Variants in FAM118A observed in about 807,000 individuals in gnomAD.
The protein encoded by FAM118A is protein FAM118A.
In FAM118A, 25 loss-of-function variants were observed where a neutral mutation model predicts 38.2. The observed-to-expected ratio is 0.65, with a 90% CI of 0.48 to 0.91. The LOEUF (loss-of-function observed/expected upper bound fraction) is 0.91. Among genes scored for constraint, FAM118A ranks in the 40% least tolerant of loss-of-function variants. The pLI is 0.00. For missense variants in FAM118A, 425 were observed against 463.3 expected, an observed-to-expected ratio of 0.92 and a Z score of 0.76; for synonymous variants, 178 against 184.1, an observed-to-expected ratio of 0.97 and a Z score of 0.27.
chr22:45,322,696 A>G (rs1386880540), intron 2 of FAM118A, among the ~76,000 whole-genome samples: 1 of 152,198 alleles, frequency 6.6e-6, no homozygotes, highest in African/African-American at 2.4e-5. Flanking sequence ...CTAAGAAAGA[A>G]TTCTTTGACT....
chr22:45,333,742 C>T (rs1301536322), intron 6 of FAM118A, among the ~76,000 whole-genome samples: 6 of 149,322 alleles, frequency 4.0e-5, no homozygotes, highest in African/African-American at 1.5e-4. Flanking sequence ...TCTGGAGGCT[C>T]AGGTGGGGGG....
intron 5 of FAM118A, among the ~76,000 whole-genome samples, chr22:45,331,295 GC>G (rs1183666981): frequency 6.6e-6 from 1 of 152,160 alleles, no homozygotes; most frequent in African/African-American, 2.4e-5. Context: ...CTGCACTCCA[GC>G]CTGGGCAACA....
intron 3 of FAM118A, among the ~76,000 whole-genome samples, chr22:45,325,318 C>T (rs1254133073): frequency 6.6e-6 from 1 of 152,174 alleles, no homozygotes; most frequent in Non-Finnish European, 1.5e-5. Flanking sequence ...AGGCTGTCGA[C>T]ACAGCTGTGT....
At chr22:45,338,445 T>G (rs141631708) in intron 8 of FAM118A, among the ~76,000 whole-genome samples, 1,568 of 152,246 alleles carry the variant, frequency 0.01, 22 homozygotes, top group African/African-American at 0.036. Context: ...GCCAGGCTGG[T>G]CTCAAACTCC....
At chr22:45,335,260 C>T (rs1473238028) in intron 6 of FAM118A, 90 bp from the exon 7 acceptor site, 2 of 1,483,848 alleles carry the variant, frequency 1.3e-6, no homozygotes, top group Non-Finnish European at 1.9e-6. Context: ...GTTCCCAGTC[C>T]CTGCCGTTCC....
At chr22:45,338,075 A>T (rs2086229866) in intron 8 of FAM118A, 1 of 159,230 alleles carries the variant, frequency 6.3e-6, no homozygotes, top group Non-Finnish European at 1.3e-5. Context: ...TGCCTTACTC[A>T]CATGTTCTTT....
At chr22:45,312,269 T>G (rs989840390) in intron 1 of FAM118A, among the ~76,000 whole-genome samples, 1 of 152,156 alleles carries the variant, frequency 6.6e-6, no homozygotes, top group African/African-American at 2.4e-5. Flanking sequence ...AGTTGAGGGC[T>G]CAGTCCCCCA....
intron 7 of FAM118A, among the ~76,000 whole-genome samples, 153 bp from the exon 8 acceptor site, chr22:45,336,175 T>C (rs928190678): frequency 2.6e-5 from 4 of 152,186 alleles, no homozygotes; most frequent in African/African-American, 7.2e-5. Flanking sequence ...GAAGCATGGC[T>C]CTCTTTGGAG....
rs188968646 is a variant in FAM118A at position 45,325,570 on chromosome 22, A to G, written c.300+2143A>G. 1.8e-3 allele frequency among the ~76,000 whole-genome samples: 276 copies of G among 152,284 alleles called. 2 individuals are homozygous for G. The highest frequency in any genetic ancestry group is 6.3e-3 in the African/African-American group (263 of 41,566). On this transcript the variant is annotated intron_variant, in intron 3 of 8. Transcript: ENST00000441876. ...TGGGCTTGAAGTTTCCCTGGGAGCC[A>G]GGGTGCTAGAGAGGTGGGCAGATGG...
chr22:45,317,233 T>G (rs965864430), intron 1 of FAM118A, among the ~76,000 whole-genome samples: 1 of 152,060 alleles, frequency 6.6e-6, no homozygotes, highest in Non-Finnish European at 1.5e-5. Flanking sequence ...CACAAACTTA[T>G]CCAGGTTTAG....
chr22:45,332,365 A>G (rs2085781792), intron 5 of FAM118A, 60 bp from the exon 6 acceptor site: 8 of 1,533,696 alleles, frequency 5.2e-6, no homozygotes, highest in Non-Finnish European at 7.1e-6. Flanking sequence ...TGACTTGGTT[A>G]GTTGTAAGCT....
intron 8 of FAM118A, 135 bp from the exon 9 acceptor site, chr22:45,340,251 C>T (rs1273415196): frequency 1.1e-6 from 1 of 926,160 alleles, no homozygotes; most frequent in Non-Finnish European, 1.7e-6. Flanking sequence ...CTACTGTTTC[C>T]ATTGTGGAGG....
In FAM118A at chr22:45,339,540, G is replaced by GC. The variant is rs1602020513; in HGVS notation, c.1055-845dup. On this transcript the variant is annotated intron_variant, in intron 8 of 8. Coordinates refer to ENST00000441876, the MANE Select transcript of FAM118A (RefSeq NM_017911.4). ...TGCAAATATTTGGATTGTGAGTTCA[G>GC]CTAGTAGAACCATCATATAAGTAAA... is the stretch of plus-strand genomic sequence containing the variant. 2.0e-5 allele frequency among the ~76,000 whole-genome samples: 3 copies of GC among 152,312 alleles called. No individual in the cohort carries two copies. In the East Asian group the frequency reaches 5.8e-4, roughly 29 times the overall value.
intron 8 of FAM118A, among the ~76,000 whole-genome samples, chr22:45,336,827 G>C (rs1227583827): frequency 6.6e-6 from 1 of 152,212 alleles, no homozygotes; most frequent in Admixed American, 6.5e-5. Flanking sequence ...CCTTGTCACT[G>C]TCCAGCCTCC....
At chr22:45,326,061 C>T (rs2085242805) in intron 3 of FAM118A, among the ~76,000 whole-genome samples, 1 of 152,082 alleles carries the variant, frequency 6.6e-6, no homozygotes, top group South Asian at 2.1e-4. Context: ...GGCCAAGCAA[C>T]ACGAACAGGC....
At position 45,340,414 on chromosome 22, in the gene FAM118A, C is replaced by T. The variant is rs371436250; in HGVS notation, c.*9C>T. The stretch of plus-strand genomic sequence containing the variant: ...ATGCTGGAGGGTCTTGAAATCTTTA[C>T]AGTAAAACCTGCAACTTGAAAACTA... On this transcript the variant is annotated 3_prime_UTR_variant, in exon 9 of 9. Transcript: ENST00000441876. The T allele has an allele frequency of 6.2e-7, 1 of 1,614,142 alleles. No individual in the cohort carries two copies. The highest frequency in any genetic ancestry group is 1.7e-5 in the Admixed American group (1 of 60,016).
chr22:45,314,990 C>T (rs1455748962), intron 1 of FAM118A, among the ~76,000 whole-genome samples: 5 of 152,234 alleles, frequency 3.3e-5, no homozygotes, highest in African/African-American at 9.6e-5. Flanking sequence ...TCATAGGAGT[C>T]GCCACCTCAT....
Position 45,336,417 on chromosome 22 carries a change from G to A in FAM118A, c.1054+6G>A. On this transcript the variant is annotated splice_donor_region_variant and intron_variant, in intron 8 of 8. Transcript: ENST00000441876. ...ACGCACACAATCAGATACTGGTATTGTGTCTGTTCTTTTTGTGGGGAGCTG... is the reference window on the plus strand; with the variant it reads ...ACGCACACAATCAGATACTGGTATTATGTCTGTTCTTTTTGTGGGGAGCTG... 1 of 1,611,386 alleles carries A rather than the reference G, an allele frequency of 6.2e-7. No homozygotes were observed. Among genetic ancestry groups the A allele is most frequent in the Non-Finnish European group, 8.5e-7 (1 of 1,177,562 alleles).
At chr22:45,320,289 C>G (rs1293405904) in intron 1 of FAM118A, among the ~76,000 whole-genome samples, 1 of 152,130 alleles carries the variant, frequency 6.6e-6, no homozygotes, top group African/African-American at 2.4e-5. Flanking sequence ...TGGTGAAATC[C>G]CGTCTCTATG....
Sources: allele counts gnomAD v4.1 joint callset (sites outside exome capture counted in the v4.1 genomes callset), GRCh38; gene constraint gnomAD v4.1.1; transcripts MANE v1.5; gene names NCBI Gene and HGNC (gene_info 2026-07-23, HGNC 2026-07-21).